SHANK2: variants seen among roughly 807,000 people sequenced by gnomAD.
SHANK2 encodes the protein SH3 and multiple ankyrin repeat domains 2, also known as SH3 and multiple ankyrin repeat domains protein 2.
In SHANK2, 43 loss-of-function variants were observed where a neutral mutation model predicts 133.7. The ratio of observed to expected loss-of-function variants is 0.32; its 90% CI spans 0.25 to 0.41. The LOEUF is 0.41. Ranked by LOEUF, SHANK2 falls within the 10% of genes least tolerant of loss-of-function variation. The pLI, the probability that SHANK2 is intolerant of heterozygous loss-of-function variation, is 1.00. For missense variants in SHANK2, 1,994 were observed against 2,235.8 expected, an observed-to-expected ratio of 0.89 and a Z score of 2.18; for synonymous variants, 1,017 against 952.8, an observed-to-expected ratio of 1.07 and a Z score of -1.24.
intron 14 of SHANK2, among the ~76,000 whole-genome samples, chr11:70,748,912 G>T (rs1946699266): frequency 6.6e-6 from 1 of 152,188 alleles, no homozygotes; most frequent in African/African-American, 2.4e-5. Context: ...GGAGAGTGCT[G>T]CCCTTAGGAC....
chr11:70,575,100 C>T (rs1324642906), intron 17 of SHANK2, among the ~76,000 whole-genome samples: 6 of 152,162 alleles, frequency 3.9e-5, no homozygotes, highest in African/African-American at 1.4e-4. Flanking sequence ...CTGGGCCCTC[C>T]TTGCTCCCTG....
intron 2 of SHANK2, among the ~76,000 whole-genome samples, chr11:71,172,012 G>T: frequency 6.6e-6 from 1 of 152,204 alleles, no homozygotes; most frequent in East Asian, 1.9e-4. Flanking sequence ...CAGCAGTAGG[G>T]TGATGGGAAT....
intron 2 of SHANK2, among the ~76,000 whole-genome samples, chr11:71,204,526 G>A (rs1483868573): frequency 6.6e-6 from 1 of 152,182 alleles, no homozygotes; most frequent in Non-Finnish European, 1.5e-5. Context: ...CCTCTCCCCT[G>A]GGTGAAGGCT....
At chr11:71,069,829 C>T (rs1951119178) in intron 9 of SHANK2, among the ~76,000 whole-genome samples, 1 of 152,214 alleles carries the variant, frequency 6.6e-6, no homozygotes, top group African/African-American at 2.4e-5. Flanking sequence ...GATTCAAAGG[C>T]ACCTCTGTCC....
chr11:70,662,537 G>A (rs1333937741), intron 15 of SHANK2, among the ~76,000 whole-genome samples: 2 of 152,224 alleles, frequency 1.3e-5, no homozygotes, highest in Non-Finnish European at 2.9e-5. Flanking sequence ...CTCCCTGGCA[G>A]AGGACTCAGG....
At chr11:70,570,759 G>A (rs2060035875) in intron 17 of SHANK2, 1 of 152,186 alleles carries the variant, frequency 6.6e-6, no homozygotes, top group African/African-American at 2.4e-5. Flanking sequence ...CATAGACCGA[G>A]GCCCTCTGGG....
intron 8 of SHANK2, among the ~76,000 whole-genome samples, chr11:71,087,466 G>A (rs1476199992): frequency 1.3e-5 from 2 of 152,152 alleles, no homozygotes; most frequent in African/African-American, 4.8e-5. Context: ...CGTTTAAGGA[G>A]GTTTTAGCCT....
intron 14 of SHANK2, among the ~76,000 whole-genome samples, chr11:70,737,756 G>A (rs1330255879): frequency 1.3e-5 from 2 of 152,188 alleles, no homozygotes; most frequent in South Asian, 2.1e-4. Flanking sequence ...CCCTTACATC[G>A]CAAACATTTT....
chr11:70,592,311 G>A (rs1554988243), intron 17 of SHANK2, among the ~76,000 whole-genome samples: 1 of 152,164 alleles, frequency 6.6e-6, no homozygotes, highest in African/African-American at 2.4e-5. Context: ...TCCTGCCTGG[G>A]GAGGCTGGCA....
At chr11:71,135,389 G>A (rs782569554) in intron 3 of SHANK2, among the ~76,000 whole-genome samples, 12 of 152,092 alleles carry the variant, frequency 7.9e-5, no homozygotes, top group Admixed American at 5.2e-4. Context: ...CAAAGAGACC[G>A]AGGAGAAGCC....
intron 15 of SHANK2, chr11:70,662,005 C>T (rs149393699): frequency 3.6e-4 from 211 of 583,722 alleles, no homozygotes; most frequent in Middle Eastern, 2.4e-3. Flanking sequence ...CTGGCCAGGA[C>T]GCCGCCCAGG....
At position 70,913,884 on chromosome 11, in the gene SHANK2, C is replaced by T. The variant is rs117380517; in HGVS notation, c.1108-17317G>A. 6.2e-4 allele frequency among the ~76,000 whole-genome samples: 94 copies of T among 152,308 alleles called. 1 individual carries two copies. The highest frequency in any genetic ancestry group is 2.1e-3 in the African/African-American group (87 of 41,570). On this transcript the variant is annotated intron_variant, in intron 10 of 25. Coordinates refer to ENST00000601538, the MANE Select transcript of SHANK2 (RefSeq NM_012309.5). ...ATTTCCATTTGGAAAACAACACTCA[C>T]GTTTAACCACACAATCATCTCATTG...
chr11:70,557,695 G>A (rs1166460186), intron 17 of SHANK2, among the ~76,000 whole-genome samples: 1 of 152,194 alleles, frequency 6.6e-6, no homozygotes, highest in Non-Finnish European at 1.5e-5. Context: ...GGAAGGACAA[G>A]CAGAAAGCCC....
intron 1 of SHANK2, among the ~76,000 whole-genome samples, chr11:71,234,408 C>T (rs1325519214): frequency 7.7e-6 from 1 of 130,718 alleles, no homozygotes; most frequent in Non-Finnish European, 1.6e-5. Context: ...TAAATAACAA[C>T]AAAATGTTAG....
Position 70,807,681 on chromosome 11 carries a change from A to C in SHANK2, c.1494-510T>G, listed in dbSNP as rs1948192343. On this transcript the variant is annotated intron_variant, in intron 12 of 25. Transcript: ENST00000601538. The surrounding 1 kb of genome is among the most constrained non-coding windows in gnomAD (Gnocchi z 4.8). ...CTCGTTGGTACTAAAAATTCAAAAAATAGCAGGGTGTGGTGGTGAGCACCT... is the reference window on the plus strand; with the variant it reads ...CTCGTTGGTACTAAAAATTCAAAAACTAGCAGGGTGTGGTGGTGAGCACCT... Among the ~76,000 whole-genome samples the C allele has an allele frequency of 6.6e-6, 1 of 152,166 alleles. No individual in the cohort carries two copies. The highest frequency in any genetic ancestry group is 2.4e-5 in the African/African-American group (1 of 41,432).
chr11:70,865,352 G>A (rs939098534), intron 11 of SHANK2, among the ~76,000 whole-genome samples: 20 of 150,826 alleles, frequency 1.3e-4, no homozygotes, highest in Admixed American at 3.9e-4. Context: ...AGAACTAGGC[G>A]ACGTCTAAAT....
intron 1 of SHANK2, among the ~76,000 whole-genome samples, chr11:71,242,537 G>A (rs782238722): frequency 2.6e-5 from 4 of 152,040 alleles, no homozygotes; most frequent in Non-Finnish European, 4.4e-5. Context: ...AGCTCACCCC[G>A]ACCATCCTGC....
intron 17 of SHANK2, among the ~76,000 whole-genome samples, chr11:70,655,207 T>C (rs782613779): frequency 8.3e-4 from 127 of 152,258 alleles, no homozygotes; most frequent in Non-Finnish European, 2.5e-4. Context: ...ATGAGTGCTG[T>C]CACCAGCAAG....
At chr11:70,501,876 C>A in intron 20 of SHANK2, 47 bp downstream of exon 20, 1 of 1,552,532 alleles carries the variant, frequency 6.4e-7, no homozygotes, top group South Asian at 1.2e-5. Flanking sequence ...TGGGGGTGCC[C>A]TAGACAGCAG....
Sources: allele counts gnomAD v4.1 joint callset (sites outside exome capture counted in the v4.1 genomes callset), GRCh38; gene constraint gnomAD v4.1.1; non-coding constraint Gnocchi (gnomAD v3.1); transcripts MANE v1.5; gene names NCBI Gene and HGNC (gene_info 2026-07-23, HGNC 2026-07-21).